The following FRK variants were observed in gnomAD, a reference collection of about 807,000 sequenced individuals.
The protein encoded by FRK is tyrosine-protein kinase FRK.
In FRK, 51 loss-of-function variants were observed where a neutral mutation model predicts 56.4. The ratio of observed to expected loss-of-function variants is 0.90; its 90% CI spans 0.72 to 1.14. FRK has a LOEUF of 1.14. Ranked by LOEUF, FRK falls within the 50% of genes most tolerant of loss-of-function variation. The probability of loss-of-function intolerance (pLI) is 0.00; values close to 1 mark genes in which losing one functional copy is unlikely to be tolerated. For missense variants in FRK, 570 were observed against 601.4 expected, an observed-to-expected ratio of 0.95 and a Z score of 0.55; for synonymous variants, 245 against 217.9, an observed-to-expected ratio of 1.12 and a Z score of -1.10.
chr6:116,090,361 A>G, the FRK span, among the ~76,000 whole-genome samples: 1 of 152,214 alleles, frequency 6.6e-6, no homozygotes, highest in African/African-American at 2.4e-5. Context: ...AGTGGGTCAC[A>G]TCTAGAGACA....
chr6:116,055,932 G>A (rs1412440299), intron 1 of FRK, among the ~76,000 whole-genome samples: 1 of 152,156 alleles, frequency 6.6e-6, no homozygotes, highest in Non-Finnish European at 1.5e-5. Flanking sequence ...ACATTTCATT[G>A]TTGTTATCAT....
intron 1 of FRK, among the ~76,000 whole-genome samples, chr6:116,053,640 G>A (rs1345484704): frequency 6.6e-6 from 1 of 151,916 alleles, no homozygotes; most frequent in Non-Finnish European, 1.5e-5. Flanking sequence ...TTAAAATTTG[G>A]GTTCTAATCT....
intron 1 of FRK, among the ~76,000 whole-genome samples, chr6:116,011,868 A>G (rs1775487074): frequency 6.6e-6 from 1 of 152,098 alleles, no homozygotes; most frequent in African/African-American, 2.4e-5. Flanking sequence ...TCTTCCTGTC[A>G]AGGTAATTAT....
At chr6:116,000,425 T>C (rs1775021384) in intron 2 of FRK, among the ~76,000 whole-genome samples, 1 of 151,816 alleles carries the variant, frequency 6.6e-6, no homozygotes, top group Non-Finnish European at 1.5e-5. Flanking sequence ...ATATTTTTAG[T>C]AGAGACAGGG....
At chr6:116,011,660 G>A (rs2114713510) in intron 1 of FRK, among the ~76,000 whole-genome samples, 2 of 152,280 alleles carry the variant, frequency 1.3e-5, no homozygotes, top group South Asian at 4.2e-4. Flanking sequence ...CCTCATGAAT[G>A]TGACTTGGCA....
At chr6:116,077,373 C>T in the FRK span, among the ~76,000 whole-genome samples, 5 of 152,174 alleles carry the variant, frequency 3.3e-5, no homozygotes, top group Non-Finnish European at 5.9e-5. Context: ...CCCTTCCCCA[C>T]CTTGATGGGC....
chr6:115,971,541 C>T (rs529579492), intron 2 of FRK, among the ~76,000 whole-genome samples: 3 of 152,292 alleles, frequency 2.0e-5, no homozygotes, highest in Non-Finnish European at 4.4e-5. Context: ...AAGCCTACAC[C>T]TTTCATGTTC....
chr6:116,026,352 G>A (rs1776087535), intron 1 of FRK, among the ~76,000 whole-genome samples: 1 of 152,128 alleles, frequency 6.6e-6, no homozygotes, highest in South Asian at 2.1e-4. Flanking sequence ...GTTGAGAAGT[G>A]TGCAGCAAAT....
chr6:116,008,873 G>A (rs1168130603), intron 1 of FRK, among the ~76,000 whole-genome samples: 1 of 152,174 alleles, frequency 6.6e-6, no homozygotes, highest in African/African-American at 2.4e-5. Flanking sequence ...TCCAAGTGTG[G>A]TCCCTAGATC....
At chr6:115,986,254 T>A (rs1003228007) in intron 2 of FRK, among the ~76,000 whole-genome samples, 1 of 152,066 alleles carries the variant, frequency 6.6e-6, no homozygotes, top group African/African-American at 2.4e-5. Context: ...TTGCTTCTTC[T>A]TAGTCTTCTG....
upstream of FRK, among the ~76,000 whole-genome samples, chr6:116,063,039 G>C (rs1777676692): frequency 6.6e-6 from 1 of 152,062 alleles, no homozygotes; most frequent in African/African-American, 2.4e-5. Context: ...CAAGATGAGT[G>C]GTGTTCATAA....
chr6:115,944,082 G>A (rs953563808), intron 6 of FRK, among the ~76,000 whole-genome samples, 162 bp downstream of exon 6: 8 of 152,118 alleles, frequency 5.3e-5, no homozygotes, highest in Non-Finnish European at 1.2e-4. Flanking sequence ...TAAGAAATAG[G>A]AAGGTGCAGG....
intron 2 of FRK, among the ~76,000 whole-genome samples, chr6:115,981,837 A>G (rs10485106): frequency 0.05 from 7,605 of 152,206 alleles, 250 homozygotes; most frequent in Non-Finnish European, 0.068. Context: ...CATATGCAAG[A>G]AAACTATTGG....
At chr6:115,942,823 C>A (rs1233592833) in intron 7 of FRK, among the ~76,000 whole-genome samples, 197 bp downstream of exon 7, 1 of 152,154 alleles carries the variant, frequency 6.6e-6, no homozygotes, top group Non-Finnish European at 1.5e-5. Context: ...GACTGCAATT[C>A]ACTAGCAAAG....
chr6:115,997,887 G>C lies in FRK; in HGVS notation c.466+5990C>G, dbSNP rs1007198187. 3.9e-5 allele frequency among the ~76,000 whole-genome samples: 6 copies of C among 152,202 alleles called. 1 individual carries two copies. The highest frequency in any genetic ancestry group is 2.0e-4 in the Admixed American group (3 of 15,266). ...CTGAACTCAGCTTCCCACAGGCCAA[G>C]TGATTTCCTCTTCTGAGCAAAAGAA... On this transcript the variant is annotated intron_variant, in intron 2 of 7. Coordinates refer to ENST00000606080, the MANE Select transcript of FRK (RefSeq NM_002031.3).
intron 2 of FRK, among the ~76,000 whole-genome samples, chr6:115,986,678 T>C (rs1438789076): frequency 1.3e-5 from 2 of 152,118 alleles, no homozygotes; most frequent in Non-Finnish European, 2.9e-5. Flanking sequence ...TTTACAGAAA[T>C]AAAGTTATCA....
chr6:115,974,450 G>C (rs915995944), intron 2 of FRK, among the ~76,000 whole-genome samples: 1 of 152,082 alleles, frequency 6.6e-6, no homozygotes, highest in Non-Finnish European at 1.5e-5. Flanking sequence ...CCAATGCTTG[G>C]CAATAGCACC....
intron 1 of FRK, among the ~76,000 whole-genome samples, chr6:116,011,248 A>T (rs1255834287): frequency 6.6e-6 from 1 of 152,244 alleles, no homozygotes; most frequent in Non-Finnish European, 1.5e-5. Context: ...TGCCTCACTG[A>T]CGTGTACAAA....
At chr6:115,987,492 A>G (rs1338190527) in intron 2 of FRK, among the ~76,000 whole-genome samples, 1 of 152,144 alleles carries the variant, frequency 6.6e-6, no homozygotes, top group Non-Finnish European at 1.5e-5. Flanking sequence ...AAGACATAAG[A>G]AAGCAATCCT....
Sources: gnomAD v4.1 joint callset for allele counts (sites outside exome capture counted in the v4.1 genomes callset) on GRCh38, gnomAD v4.1.1 for gene constraint, MANE v1.5 for transcripts, NCBI Gene and HGNC (gene_info 2026-07-23, HGNC 2026-07-21) for gene names.